CLU: variants seen among roughly 807,000 people sequenced by gnomAD.
The protein encoded by CLU is clusterin, also known as aging-associated protein 4.
In CLU, 25 loss-of-function variants were observed where a neutral mutation model predicts 46.4. The observed-to-expected ratio is 0.54, with a 90% CI of 0.39 to 0.75. The LOEUF is 0.75. Ranked by LOEUF, CLU falls within the 30% of genes least tolerant of loss-of-function variation. CLU has a pLI of 0.00. For missense variants in CLU, 504 were observed against 592.1 expected (o/e 0.85, Z 1.54); for synonymous variants, 235 against 235.1 (o/e 1.00, Z 0.00).
intron 6 of CLU, 48 bp downstream of exon 6, chr8:27,604,243 G>T: frequency 1.4e-6 from 2 of 1,466,034 alleles, no homozygotes; most frequent in African/African-American, 1.4e-5. Flanking sequence ...GTGACCCCAG[G>T]ACACAAGGGA....
intron 1 of CLU, chr8:27,611,450 G>C (rs1227911120): frequency 2.2e-6 from 1 of 455,824 alleles, no homozygotes; most frequent in Admixed American, 2.3e-5. Flanking sequence ...CACTGGGCTG[G>C]CTGCCCTGAG....
intron 2 of CLU, among the ~76,000 whole-genome samples, chr8:27,609,760 G>C (rs1381093933): frequency 6.6e-6 from 1 of 152,166 alleles, no homozygotes; most frequent in Non-Finnish European, 1.5e-5. Flanking sequence ...GGTAGGAGGA[G>C]TATGTTCTGG....
rs752173696 is a variant in CLU at position 27,605,199 on chromosome 8, C to A, written c.554G>T (p.Ser185Ile). Residue 185 changes from serine (S) to isoleucine (I), a missense_variant, in exon 5 of 9, where the codon AGC becomes ATC. Ser to Ile is a moderately radical substitution (Grantham distance 142). This residue lies in a region of CLU where 428 missense variants were observed against 484.0 expected (regional missense o/e 0.88). Transcript: ENST00000316403. ...VMQDHFSRAS[S>I]IIDELFQDRF... is the part of the protein sequence containing the mutation. ...GTCCTGGAAGAGCTCGTCTATGATG[C>A]TGGACGCGCGGCTGAAGTGGTCCTG... 3.1e-6 allele frequency: 5 copies of A among 1,614,180 alleles called. No homozygotes were observed. The highest frequency in any genetic ancestry group is 3.3e-4 in the Middle Eastern group (2 of 6,062).
intron 4 of CLU, among the ~76,000 whole-genome samples, chr8:27,606,134 T>C (rs944276834): frequency 6.6e-6 from 1 of 152,212 alleles, no homozygotes; most frequent in Non-Finnish European, 1.5e-5. Flanking sequence ...AGCTAAGCAC[T>C]GCTGCATGAG....
Position 27,597,803 on chromosome 8 carries a change from G to C in CLU, c.*438C>G, listed in dbSNP as rs1348039746. On this transcript the variant is annotated 3_prime_UTR_variant, in exon 9 of 9. Coordinates refer to ENST00000316403, the MANE Select transcript of CLU (RefSeq NM_001831.4). ...CCTGAAAGCAAGCAATTCTTGAAGT[G>C]GATCAACCTTGTCATCATATCCCTT... is the stretch of plus-strand genomic sequence containing the variant. The C allele has an allele frequency of 6.5e-6, 3 of 459,978 alleles. No homozygotes were observed. The highest frequency in any genetic ancestry group is 1.3e-5 in the Non-Finnish European group (3 of 231,046). The allele number at this position is 459,978 out of a possible 1,614,324, so 28.5% of individuals were successfully genotyped here.
chr8:27,598,487 G>T lies in CLU; in HGVS notation c.1313C>A (p.Ala438Glu). ...GTGCTTTTTGCGGTATTCCTGCAGC[G>T]CTTTCTCCGCCACGGTCTCCATAAA... ...PKFMETVAEK[A>E]LQEYRKKHRE... The change falls in exon 8 of 9, where the codon GCG becomes GAG. Residue 438 changes from alanine (A) to glutamate (E), a missense_variant. This residue lies in a region of CLU where 428 missense variants were observed against 484.0 expected (regional missense o/e 0.88). Coordinates refer to ENST00000316403, the MANE Select transcript of CLU (RefSeq NM_001831.4). The T allele has an allele frequency of 6.2e-7, 1 of 1,614,052 alleles. No homozygotes were observed. The highest frequency in any genetic ancestry group is 8.5e-7 in the Non-Finnish European group (1 of 1,180,026).
At chr8:27,610,091 G>A (rs1224503723) in intron 2 of CLU, among the ~76,000 whole-genome samples, 2 of 152,078 alleles carry the variant, frequency 1.3e-5, no homozygotes, top group Admixed American at 6.5e-5. Context: ...TGCAGAAACC[G>A]TCAGCTCACA....
At chr8:27,609,686 C>T (rs933564635) in intron 2 of CLU, among the ~76,000 whole-genome samples, 1 of 152,142 alleles carries the variant, frequency 6.6e-6, no homozygotes, top group Non-Finnish European at 1.5e-5. Flanking sequence ...AGCCCCCCGC[C>T]GTGCCCACTT....
chr8:27,614,217 A>G (rs1414874634), intron 1 of CLU: 7 of 154,622 alleles, frequency 4.5e-5, no homozygotes, highest in Non-Finnish European at 7.2e-5. Flanking sequence ...AGAAAACTAG[A>G]TGACTCATGC....
chr8:27,599,931 G>T lies in CLU; in HGVS notation c.1013C>A (p.Thr338Asn). 2.5e-6 allele frequency: 4 copies of T among 1,614,200 alleles called. No homozygotes were observed. The highest frequency in any genetic ancestry group is 2.5e-6 in the Non-Finnish European group (3 of 1,180,034). Residue 338 changes from threonine to asparagine, a missense_variant, in exon 7 of 9, where the codon ACC becomes AAC. Physicochemically the swap from Thr to Asn is moderately conservative, Grantham distance 65. Around this residue, in one of 3 missense-constraint regions of CLU, gnomAD observed 428 missense variants for 484.0 expected, o/e 0.88. Coordinates refer to ENST00000316403, the MANE Select transcript of CLU (RefSeq NM_001831.4). This position sits in a 1 kb window ranked among gnomAD's most constrained non-coding sequence, Gnocchi z 4.0. ...CTTTAGCAGCTCGTTGTATTTCCTG[G>T]TCAACCTCTCAGCGACCTGGAGGGA... ...DESLQVAERLTRKYNELLKSY... is the reference protein window; with the variant it reads ...DESLQVAERLNRKYNELLKSY...
intron 1 of CLU, chr8:27,611,811 G>T (rs915040630): frequency 4.4e-6 from 2 of 454,388 alleles, no homozygotes; most frequent in East Asian, 1.4e-4. Flanking sequence ...ATGGGGTAGG[G>T]GGCGGAGACC....
At position 27,598,691 on chromosome 8, in the gene CLU, G is replaced by T. The variant is rs565435447; in HGVS notation, c.1165-56C>A. ...GAAACACTGTGGTCAAAATGCATGC[G>T]CTCTGCAACAGAAGTCAGGCTTCTG... On this transcript the variant is annotated intron_variant, in intron 7 of 8. Transcript: ENST00000316403. 2.3e-5 allele frequency: 35 copies of T among 1,544,776 alleles called. 1 individual carries two copies. In the South Asian group the frequency reaches 3.7e-4, roughly 16 times the overall value.
In CLU at chr8:27,599,846, A is replaced by T; in HGVS notation, c.1098T>A (p.Phe366Leu). Reference sequence around the variant, plus strand: ...GGTTTGCCAGCCGGGACACCCAGTTAAACTGCTCGTTCAGCTGCTCCAGCA... The same window carrying T: ...GGTTTGCCAGCCGGGACACCCAGTTTAACTGCTCGTTCAGCTGCTCCAGCA... The part of the protein sequence containing the change: ...SSLLEQLNEQ[F>L]NWVSRLANLT... Residue 366 changes from phenylalanine to leucine, a missense_variant, in exon 7 of 9, where the codon TTT becomes TTA. Transcript: ENST00000316403. The surrounding 1 kb of genome is among the most constrained non-coding windows in gnomAD (Gnocchi z 4.0). 1 of 1,614,146 alleles carries T rather than the reference A, an allele frequency of 6.2e-7. No individual in the cohort carries two copies. The highest frequency in any genetic ancestry group is 1.7e-5 in the Admixed American group (1 of 60,018).
At position 27,597,849 on chromosome 8, in the gene CLU, C is replaced by G. The variant is rs1800632949; in HGVS notation, c.*392G>C. Reference sequence around the variant, plus strand: ...CCCTTTTATTCTTCACCCTTTTATTCTTCACTGGTATGACAGTCCCTATAC... The same window carrying G: ...CCCTTTTATTCTTCACCCTTTTATTGTTCACTGGTATGACAGTCCCTATAC... On this transcript the variant is annotated 3_prime_UTR_variant, in exon 9 of 9. Coordinates refer to ENST00000316403, the MANE Select transcript of CLU (RefSeq NM_001831.4). 2.1e-6 allele frequency: 1 copy of G among 482,224 alleles called. No homozygotes were observed. Among genetic ancestry groups the G allele is most frequent in the South Asian group, 1.5e-5 (1 of 64,716 alleles). The allele number at this position is 482,224 out of a possible 1,614,324, so 29.9% of individuals were successfully genotyped here.
chr8:27,609,177 C>A, intron 2 of CLU, 91 bp from the exon 3 acceptor site: 1 of 1,409,936 alleles, frequency 7.1e-7, no homozygotes, highest in South Asian at 1.2e-5. Context: ...AAGGCCCGTT[C>A]AGTTCAGGGG....
chr8:27,603,799 G>A (rs1800763494), intron 6 of CLU, among the ~76,000 whole-genome samples: 1 of 152,096 alleles, frequency 6.6e-6, no homozygotes, highest in African/African-American at 2.4e-5. Context: ...ACCTTTCTGT[G>A]GCTCAGTTTC....
Position 27,608,309 on chromosome 8 carries a change from G to A in CLU, c.246+629C>T, listed in dbSNP as rs149314600. 3.1e-3 allele frequency among the ~76,000 whole-genome samples: 477 copies of A among 152,342 alleles called. 3 individuals carry two copies. The highest frequency in any genetic ancestry group is 0.011 in the African/African-American group (452 of 41,588). On this transcript the variant is annotated intron_variant, in intron 3 of 8. Coordinates refer to ENST00000316403, the MANE Select transcript of CLU (RefSeq NM_001831.4). ...CCTTTGAAATGCTTTTAACATGCAC[G>A]ATGGATCATGAAGCTTGCAGGTAGC...
intron 3 of CLU, 100 bp downstream of exon 3, chr8:27,608,838 C>A: frequency 7.9e-7 from 1 of 1,262,024 alleles, no homozygotes; most frequent in South Asian, 1.2e-5. Context: ...GGGAGGACTG[C>A]GGGTCACCAT....
intron 6 of CLU, 46 bp from the exon 7 acceptor site, chr8:27,600,055 G>T: frequency 7.0e-7 from 1 of 1,420,938 alleles, no homozygotes; most frequent in Admixed American, 1.7e-5. Context: ...TGAAGGGAAG[G>T]CTACAAAGGG....
Sources: gnomAD v4.1 joint callset for allele counts (sites outside exome capture counted in the v4.1 genomes callset) on GRCh38, gnomAD v4.1.1 for gene constraint, gnomAD v4.1.1 regional missense constraint, Gnocchi (gnomAD v3.1) non-coding constraint, MANE v1.5 for transcripts, NCBI Gene and HGNC (gene_info 2026-07-23, HGNC 2026-07-21) for gene names.